The following PRUNE2 variants were observed in gnomAD, a reference collection of about 807,000 sequenced individuals.
The protein encoded by PRUNE2 is protein prune homolog 2.
Under a neutral mutation model 252.0 loss-of-function variants are expected in PRUNE2, and 164 were observed. That is an observed-to-expected ratio of 0.65 (90% CI 0.57 to 0.74). The LOEUF is 0.74. Ranked by LOEUF, PRUNE2 falls within the 30% of genes least tolerant of loss-of-function variation. PRUNE2 has a pLI of 0.00. For synonymous variants in PRUNE2, 1,292 were observed against 1,350.2 expected (o/e 0.96, Z 0.94); for missense variants, 3,495 against 3,711.0 (o/e 0.94, Z 1.51).
At chr9:76,845,057 T>C (rs1398783671) in intron 4 of PRUNE2, among the ~76,000 whole-genome samples, 2 of 109,504 alleles carry the variant, frequency 1.8e-5, no homozygotes, top group East Asian at 5.9e-4. Flanking sequence ...AGAAGCAAAA[T>C]CTTTTACCAT....
intron 15 of PRUNE2, among the ~76,000 whole-genome samples, chr9:76,632,349 A>C (rs1414263593): frequency 6.6e-6 from 1 of 152,244 alleles, no homozygotes; most frequent in African/African-American, 2.4e-5. Flanking sequence ...AGTTGCTAAC[A>C]CTGAAGTAAA....
At chr9:76,768,024 C>T (rs200110529) in intron 6 of PRUNE2, among the ~76,000 whole-genome samples, 1 of 152,294 alleles carries the variant, frequency 6.6e-6, no homozygotes, top group African/African-American at 2.4e-5. Flanking sequence ...TCCAGCTATA[C>T]GTGCATCACA....
chr9:76,653,692 C>A (rs192969887), intron 10 of PRUNE2, among the ~76,000 whole-genome samples: 2 of 152,260 alleles, frequency 1.3e-5, no homozygotes, highest in African/African-American at 4.8e-5. Flanking sequence ...TAGGTCCTGA[C>A]AACTCTGTAT....
chr9:76,826,840 C>CA, intron 4 of PRUNE2, 108 bp from the exon 5 acceptor site: 2 of 916,068 alleles, frequency 2.2e-6, no homozygotes, highest in Non-Finnish European at 3.3e-6. Flanking sequence ...CCATTTCTGT[C>CA]TCTCACCTGG....
At chr9:76,845,000 TAA>T (rs55754002) in intron 4 of PRUNE2, among the ~76,000 whole-genome samples, 5,972 of 60,628 alleles carry the variant, frequency 0.099, 284 homozygotes, top group East Asian at 0.18. Flanking sequence ...CCCCCTCTCT[TAA>T]AAAAAAAAAA....
intron 1 of PRUNE2, among the ~76,000 whole-genome samples, chr9:76,902,368 A>T (rs1265446134): frequency 1.3e-5 from 2 of 152,152 alleles, no homozygotes; most frequent in African/African-American, 4.8e-5. Flanking sequence ...GCTAAAACTT[A>T]AGGACTGATC....
intron 6 of PRUNE2, among the ~76,000 whole-genome samples, chr9:76,728,353 TA>T (rs112758197): frequency 1.9e-4 from 28 of 147,852 alleles, no homozygotes; most frequent in East Asian, 9.8e-4. Flanking sequence ...AGGGAGCTGT[TA>T]AAAAAAAAAA....
intron 9 of PRUNE2, among the ~76,000 whole-genome samples, chr9:76,702,065 T>C (rs1176481891): frequency 6.8e-6 from 1 of 147,878 alleles, no homozygotes; most frequent in East Asian, 2.0e-4. Flanking sequence ...TTTTCTCGCT[T>C]TTTTTTTTTT....
intron 16 of PRUNE2, among the ~76,000 whole-genome samples, chr9:76,625,993 G>A (rs1448397989): frequency 6.6e-6 from 1 of 152,134 alleles, no homozygotes; most frequent in Non-Finnish European, 1.5e-5. Flanking sequence ...TTATGCACAA[G>A]TTACAATACT....
rs549505153 is a variant in PRUNE2, at chr9:76,611,530, T to G, written c.*3040A>C. 2 of 152,242 alleles carry G rather than the reference T, an allele frequency of 1.3e-5. No individual in the cohort carries two copies. Among genetic ancestry groups the G allele is most frequent in the Admixed American group, 1.3e-4 (2 of 15,286 alleles). 9.4% of individuals were successfully genotyped at this position (152,242 alleles called of 1,614,324 possible). A position where few individuals can be genotyped will look rare whatever the true frequency, so the allele number is the denominator to read the frequency against. ...TTATTCTGAGCAATCCAATGCATGA[T>G]AGAAAAACCTTTAGATATATAAAAG... On this transcript the variant is annotated 3_prime_UTR_variant, in exon 19 of 19. Transcript: ENST00000376718.
intron 9 of PRUNE2, among the ~76,000 whole-genome samples, chr9:76,684,718 G>A (rs1296160619): frequency 1.3e-5 from 2 of 152,146 alleles, no homozygotes; most frequent in Non-Finnish European, 2.9e-5. Context: ...AATCTACCCT[G>A]GTGGGGGTCA....
intron 9 of PRUNE2, among the ~76,000 whole-genome samples, chr9:76,694,984 TG>T (rs1175523169): frequency 3.3e-5 from 5 of 152,196 alleles, no homozygotes; most frequent in Non-Finnish European, 7.3e-5. Context: ...CTTGAGTTGA[TG>T]GTATAATAGA....
At chr9:76,882,425 T>C (rs2061840945) in intron 1 of PRUNE2, among the ~76,000 whole-genome samples, 1 of 152,238 alleles carries the variant, frequency 6.6e-6, no homozygotes. Flanking sequence ...CGTTCTTGCA[T>C]TGCTATGAAA....
In PRUNE2 at chr9:76,854,239, T is replaced by A. The variant is rs747760024; in HGVS notation, c.37-31A>T. The A allele has an allele frequency of 9.9e-6, 12 of 1,210,896 alleles. No individual in the cohort carries two copies. The South Asian group carries it at 1.6e-4, about 17-fold the overall frequency. The allele number at this position is 1,210,896 out of a possible 1,614,324, so 75.0% of individuals were successfully genotyped here. A position where few individuals can be genotyped will look rare whatever the true frequency, so the allele number is the denominator to read the frequency against. On this transcript the variant is annotated intron_variant, in intron 1 of 18. Coordinates refer to ENST00000376718, the MANE Select transcript of PRUNE2 (RefSeq NM_015225.3). ...ACAAATTCAAAGGAAACATCACAAT[T>A]TAACAGGTGACAGATTAATATAAAC...
intron 9 of PRUNE2, among the ~76,000 whole-genome samples, chr9:76,701,567 G>C (rs148350018): frequency 0.022 from 3,279 of 152,182 alleles, 39 homozygotes; most frequent in Middle Eastern, 0.031. Flanking sequence ...TGCCAGCAGG[G>C]CTGCTGGGAT....
At position 76,710,418 on chromosome 9, in the gene PRUNE2, C is replaced by T. The variant is rs1166847243; in HGVS notation, c.1856G>A (p.Ser619Asn). ...PPTPMNSLVESSPSTEEPASL... is the reference protein window; with the variant it reads ...PPTPMNSLVENSPSTEEPASL... ...GGCTGGTTCTTCAGTGGATGGCGAG[C>T]TTTCTACTAAACTATTCATGGGTGT... The change falls in exon 8 of 19, where the codon AGC (serine) becomes AAC (asparagine). Residue 619 changes from serine (S) to asparagine (N), a missense_variant. By Grantham distance (46) the Ser-to-Asn change is conservative. Coordinates refer to ENST00000376718, the MANE Select transcript of PRUNE2 (RefSeq NM_015225.3). 1 of 1,613,982 alleles carries T rather than the reference C, an allele frequency of 6.2e-7. No homozygotes were observed. Among genetic ancestry groups the T allele is most frequent in the South Asian group, 1.1e-5 (1 of 91,086 alleles).
rs1017495263 is a variant in PRUNE2 at position 76,769,497 on chromosome 9, G to A, written c.756+54135C>T. Among the ~76,000 whole-genome samples the A allele has an allele frequency of 9.6e-4, 41 of 42,594 alleles. 1 individual carries two copies. The South Asian group carries it at 0.041, about 42-fold the overall frequency. The allele number at this position is 42,594 out of a possible 152,430, so 27.9% of individuals were successfully genotyped here. A position where few individuals can be genotyped will look rare whatever the true frequency, so the allele number is the denominator to read the frequency against. On this transcript the variant is annotated intron_variant, in intron 6 of 18. Coordinates refer to ENST00000376718, the MANE Select transcript of PRUNE2 (RefSeq NM_015225.3). ...GAGTGCAATGGCACAATCTCGGCTC[G>A]TCGTCGCAACCTCCGCCCCCCGGGT...
At chr9:76,667,673 G>A (rs666721) in intron 9 of PRUNE2, among the ~76,000 whole-genome samples, 84,582 of 152,140 alleles carry the variant, frequency 0.56, 27,117 homozygotes, top group South Asian at 0.71. Flanking sequence ...ACATAGATAA[G>A]ATATTCCTTC....
chr9:76,887,749 C>T (rs11145115), intron 1 of PRUNE2, among the ~76,000 whole-genome samples: 54,286 of 152,132 alleles, frequency 0.36, 10,222 homozygotes, highest in Middle Eastern at 0.44. Flanking sequence ...TGCCTACATT[C>T]CAGAATGCAG....
Sources: allele counts gnomAD v4.1 joint callset (sites outside exome capture counted in the v4.1 genomes callset), GRCh38; gene constraint gnomAD v4.1.1; transcripts MANE v1.5; gene names NCBI Gene and HGNC (gene_info 2026-07-23, HGNC 2026-07-21).